Variants in MCPH1 observed in about 807,000 individuals in gnomAD.
MCPH1 encodes the protein microcephalin 1.
Under a neutral mutation model 84.5 loss-of-function variants are expected in MCPH1, and 104 were observed. That is an observed-to-expected ratio of 1.23 (90% CI 1.05 to 1.45). MCPH1 has a LOEUF of 1.45. Ranked by LOEUF, MCPH1 falls within the 40% of genes most tolerant of loss-of-function variation. The pLI is 0.00. For synonymous variants in MCPH1, 514 were observed against 366.8 expected, an observed-to-expected ratio of 1.40 and a Z score of -4.58; for missense variants, 1,498 against 1,005.7, an observed-to-expected ratio of 1.49 and a Z score of -6.62.
chr8:6,593,848 C>G (rs958578268), intron 12 of MCPH1, among the ~76,000 whole-genome samples: 1 of 152,216 alleles, frequency 6.6e-6, no homozygotes, highest in African/African-American at 2.4e-5. Context: ...AGATTGAGAT[C>G]ATTCCACAAC....
intron 10 of MCPH1, among the ~76,000 whole-genome samples, chr8:6,478,030 T>C (rs1808709410): frequency 6.6e-6 from 1 of 152,254 alleles, no homozygotes; most frequent in Non-Finnish European, 1.5e-5. Context: ...GAAGGGTTAA[T>C]AGCTTGTTGG....
intron 12 of MCPH1, chr8:6,527,537 T>C (rs1382524848): frequency 6.2e-7 from 1 of 1,611,230 alleles, no homozygotes; most frequent in South Asian, 1.1e-5. Flanking sequence ...ATTATAAATG[T>C]TTTAGTACTG....
At chr8:6,544,758 A>G (rs913374082) in intron 12 of MCPH1, among the ~76,000 whole-genome samples, 1 of 152,232 alleles carries the variant, frequency 6.6e-6, no homozygotes, top group Non-Finnish European at 1.5e-5. Context: ...ATTTAGAGTT[A>G]CACTTTGCCA....
intron 2 of MCPH1, among the ~76,000 whole-genome samples, chr8:6,410,195 C>T (rs1394593926): frequency 1.3e-5 from 2 of 151,582 alleles, no homozygotes; most frequent in Non-Finnish European, 2.9e-5. Flanking sequence ...AGGATGGTCT[C>T]AATCTCCTGA....
At chr8:6,619,859 C>G (rs1169687025) in intron 12 of MCPH1, among the ~76,000 whole-genome samples, 3 of 152,236 alleles carry the variant, frequency 2.0e-5, no homozygotes, top group Admixed American at 1.3e-4. Context: ...GCTGGGATTA[C>G]AGGTGTGAGC....
chr8:6,453,412 A>G (rs1029188809), intron 8 of MCPH1, among the ~76,000 whole-genome samples: 9 of 148,524 alleles, frequency 6.1e-5, no homozygotes, highest in African/African-American at 1.7e-4. Context: ...TTTTTTTAAT[A>G]TCAGTCTTTC....
chr8:6,459,853 G>A (rs1262535944), intron 9 of MCPH1, among the ~76,000 whole-genome samples: 1 of 152,230 alleles, frequency 6.6e-6, no homozygotes, highest in Non-Finnish European at 1.5e-5. Flanking sequence ...AAGGTGCCAG[G>A]TAGAAGGTAC....
chr8:6,517,148 C>G (rs937708187), intron 12 of MCPH1, among the ~76,000 whole-genome samples: 1 of 152,182 alleles, frequency 6.6e-6, no homozygotes, highest in African/African-American at 2.4e-5. Flanking sequence ...TTGATTATAT[C>G]AGGATCAGCA....
intron 13 of MCPH1, among the ~76,000 whole-genome samples, chr8:6,624,386 C>T (rs1052274007): frequency 9.2e-5 from 14 of 152,238 alleles, no homozygotes; most frequent in Admixed American, 8.5e-4. Flanking sequence ...TCGCCGGCCA[C>T]CAGACCCCAG....
chr8:6,418,024 C>G (rs1326421611), intron 3 of MCPH1, among the ~76,000 whole-genome samples: 1 of 152,172 alleles, frequency 6.6e-6, no homozygotes, highest in African/African-American at 2.4e-5. Context: ...CCCTTTAAGC[C>G]TCAGGTGCAG....
rs1798186017 is a variant in MCPH1, at chr8:6,645,680, A to G, written c.*2631A>G. On this transcript the variant is annotated 3_prime_UTR_variant, in exon 14 of 14. Transcript: ENST00000344683. ...CAAGATTGCAATATACAATCTTGCAATCTTCCTAAAGATTATATACAAACC... is the reference window on the plus strand; with the variant it reads ...CAAGATTGCAATATACAATCTTGCAGTCTTCCTAAAGATTATATACAAACC... 1.3e-5 allele frequency: 2 copies of G among 151,826 alleles called. No individual in the cohort carries two copies. Among genetic ancestry groups the G allele is most frequent in the South Asian group, 2.1e-4 (1 of 4,796 alleles). The allele number at this position is 151,826 out of a possible 1,614,324, so 9.4% of individuals were successfully genotyped here.
At chr8:6,633,472 T>C (rs1341732754) in intron 13 of MCPH1, among the ~76,000 whole-genome samples, 1 of 152,214 alleles carries the variant, frequency 6.6e-6, no homozygotes, top group Non-Finnish European at 1.5e-5. Context: ...TTCCTAATTT[T>C]AATCTGAAAT....
intron 10 of MCPH1, among the ~76,000 whole-genome samples, chr8:6,479,964 TACTC>T (rs1329408510): frequency 1.3e-5 from 2 of 152,124 alleles, no homozygotes; most frequent in Non-Finnish European, 2.9e-5. Flanking sequence ...TATGTGTTGA[TACTC>T]AATAAATATT....
intron 12 of MCPH1, among the ~76,000 whole-genome samples, chr8:6,517,812 G>T (rs887358231): frequency 3.3e-5 from 5 of 152,204 alleles, no homozygotes; most frequent in African/African-American, 1.2e-4. Context: ...ATCCAAGTCT[G>T]TCTATCTCTC....
intron 11 of MCPH1, among the ~76,000 whole-genome samples, chr8:6,488,733 C>A (rs927726949): frequency 6.6e-6 from 1 of 151,944 alleles, no homozygotes; most frequent in South Asian, 2.1e-4. Context: ...ACGAGGGATG[C>A]AGAAGCCATC....
chr8:6,459,699 A>T (rs3020279), intron 9 of MCPH1, among the ~76,000 whole-genome samples: 1 of 152,190 alleles, frequency 6.6e-6, no homozygotes, highest in Admixed American at 6.5e-5. Context: ...TGAAACTCAG[A>T]TGTGTCCCGT....
intron 12 of MCPH1, among the ~76,000 whole-genome samples, chr8:6,571,705 A>G (rs1304982588): frequency 6.6e-6 from 1 of 152,182 alleles, no homozygotes; most frequent in Non-Finnish European, 1.5e-5. Flanking sequence ...GCTTATGTCA[A>G]AGAAGTAAAA....
At chr8:6,444,292 A>G in intron 7 of MCPH1, 101 bp from the exon 8 acceptor site, 2 of 1,352,032 alleles carry the variant, frequency 1.5e-6, no homozygotes, top group South Asian at 2.5e-5. Context: ...CTTCTTAACT[A>G]ATAGCTGTAC....
intron 7 of MCPH1, among the ~76,000 whole-genome samples, 194 bp from the exon 8 acceptor site, chr8:6,444,199 A>T (rs1405947865): frequency 6.6e-6 from 1 of 152,202 alleles, no homozygotes; most frequent in Non-Finnish European, 1.5e-5. Flanking sequence ...ACACCCATCA[A>T]AGCCCAGGTT....
Sources: gnomAD v4.1 joint callset for allele counts (sites outside exome capture counted in the v4.1 genomes callset) on GRCh38, gnomAD v4.1.1 for gene constraint, MANE v1.5 for transcripts, NCBI Gene and HGNC (gene_info 2026-07-23, HGNC 2026-07-21) for gene names.